Variants in ACOT13 observed in about 807,000 individuals in gnomAD.
ACOT13 encodes the protein acyl-CoA thioesterase 13, also known as acyl-coenzyme A thioesterase 13.
In ACOT13, 10 loss-of-function variants were observed where a neutral mutation model predicts 11.8. That is an observed-to-expected ratio of 0.85 (90% confidence interval 0.53 to 1.44). The LOEUF (loss-of-function observed/expected upper bound fraction) is 1.44, where lower values mean the gene tolerates loss of function less well. ACOT13 is among the 40% of genes most tolerant of loss of function. The pLI, the probability that ACOT13 is intolerant of heterozygous loss-of-function variation, is 0.00. For missense variants in ACOT13, 172 were observed against 174.1 expected (o/e 0.99, Z 0.07); for synonymous variants, 53 against 61.0 (o/e 0.87, Z 0.61).
chr6:24,674,187 G>C (rs535083509), intron 1 of ACOT13, among the ~76,000 whole-genome samples: 1 of 151,998 alleles, frequency 6.6e-6, no homozygotes, highest in Non-Finnish European at 1.5e-5. Flanking sequence ...TCAGCCTCTC[G>C]AGTCGCTGGG....
intron 2 of ACOT13, among the ~76,000 whole-genome samples, chr6:24,699,556 G>T (rs1778861069): frequency 6.6e-6 from 1 of 152,228 alleles, no homozygotes. Flanking sequence ...GTTTACTTAA[G>T]AAACATTCAG....
chr6:24,687,837 G>C (rs1377802536), intron 1 of ACOT13: 22 of 840,870 alleles, frequency 2.6e-5, no homozygotes, highest in Non-Finnish European at 2.8e-5. Flanking sequence ...TCAGCCTCCA[G>C]AGCAGCTGGG....
At chr6:24,669,632 T>C (rs1778325857) in intron 1 of ACOT13, among the ~76,000 whole-genome samples, 2 of 152,176 alleles carry the variant, frequency 1.3e-5, no homozygotes, top group Non-Finnish European at 2.9e-5. Flanking sequence ...ATCTGATCGC[T>C]CATGCTAGGA....
chr6:24,680,828 A>G (rs1364928880), intron 1 of ACOT13, among the ~76,000 whole-genome samples: 1 of 152,190 alleles, frequency 6.6e-6, no homozygotes, highest in Admixed American at 6.5e-5. Flanking sequence ...CAGGATTGAA[A>G]TAGTCTTTTG....
At chr6:24,681,208 A>G (rs1778543343) in intron 1 of ACOT13, among the ~76,000 whole-genome samples, 3 of 152,242 alleles carry the variant, frequency 2.0e-5, no homozygotes, top group Admixed American at 1.3e-4. Flanking sequence ...AGAATAATGT[A>G]ACTGGTGAGG....
chr6:24,671,792 T>C (rs1778370841), intron 1 of ACOT13, among the ~76,000 whole-genome samples: 1 of 152,180 alleles, frequency 6.6e-6, no homozygotes. Context: ...GACAAGGAAA[T>C]TTGATACCTC....
intron 1 of ACOT13, among the ~76,000 whole-genome samples, chr6:24,677,326 G>C (rs1778471003): frequency 6.6e-6 from 1 of 152,246 alleles, no homozygotes; most frequent in Admixed American, 6.5e-5. Context: ...AATAGAGCCT[G>C]ATATTTAAGT....
Position 24,685,662 on chromosome 6 carries a change from T to A in ACOT13, c.82-12221T>A, listed in dbSNP as rs1309177417. On this transcript the variant is annotated intron_variant, in intron 1 of 2. Coordinates refer to ENST00000230048, the MANE Select transcript of ACOT13 (RefSeq NM_018473.4). ...CGCCCGGCCCTTTTACTGTACTTTTTAAGGTAATATTAACTACACAAGCTG... is the reference window on the plus strand; with the variant it reads ...CGCCCGGCCCTTTTACTGTACTTTTAAAGGTAATATTAACTACACAAGCTG... Among the ~76,000 whole-genome samples the A allele has an allele frequency of 3.3e-5, 5 of 152,116 alleles. 1 individual carries two copies. The highest frequency in any genetic ancestry group is 7.4e-5 in the Non-Finnish European group (5 of 68,016).
chr6:24,697,613 T>A (rs1778815821), intron 1 of ACOT13, among the ~76,000 whole-genome samples: 1 of 152,204 alleles, frequency 6.6e-6, no homozygotes, highest in Non-Finnish European at 1.5e-5. Context: ...ATGCCAGGCG[T>A]CATACATATG....
Position 24,667,448 on chromosome 6 carries a change from T to G in ACOT13, c.81+104T>G, listed in dbSNP as rs1778278585. ...TGAATAATTATCTCTTGTTAGGTTG[T>G]GTTCTAGTACGCCTGTAAATTCACC... On this transcript the variant is annotated intron_variant, in intron 1 of 2. Coordinates refer to ENST00000230048, the MANE Select transcript of ACOT13 (RefSeq NM_018473.4). 8.7e-6 allele frequency: 9 copies of G among 1,034,388 alleles called. No individual in the cohort carries two copies. In the East Asian group the frequency reaches 2.2e-4, roughly 26 times the overall value. 64.1% of individuals were successfully genotyped at this position (1,034,388 alleles called of 1,614,324 possible).
At chr6:24,700,982 T>C (rs1015534781) in intron 2 of ACOT13, 4 of 152,244 alleles carry the variant, frequency 2.6e-5, no homozygotes, top group African/African-American at 9.7e-5. Context: ...GACTAGGATG[T>C]ACATCTCTTA....
At chr6:24,695,452 C>T (rs1428649298) in intron 1 of ACOT13, among the ~76,000 whole-genome samples, 1 of 152,182 alleles carries the variant, frequency 6.6e-6, no homozygotes, top group Non-Finnish European at 1.5e-5. Context: ...ACTCAGATGT[C>T]GTTCTCCAGG....
intron 1 of ACOT13, among the ~76,000 whole-genome samples, chr6:24,686,922 C>T (rs1778640972): frequency 6.6e-6 from 1 of 152,134 alleles, no homozygotes; most frequent in Non-Finnish European, 1.5e-5. Flanking sequence ...GGCTGCTACA[C>T]TCTTTTAAAC....
intron 1 of ACOT13, among the ~76,000 whole-genome samples, chr6:24,682,938 T>G (rs1433543239): frequency 6.6e-6 from 1 of 152,242 alleles, no homozygotes; most frequent in Admixed American, 6.5e-5. Flanking sequence ...TGGCTATTTC[T>G]TTGCCTCCTG....
intron 2 of ACOT13, among the ~76,000 whole-genome samples, chr6:24,699,675 A>G (rs1274383680): frequency 6.6e-6 from 1 of 152,246 alleles, no homozygotes; most frequent in Non-Finnish European, 1.5e-5. Flanking sequence ...GGCTCTGCTT[A>G]TGTTACTGGT....
chr6:24,692,901 A>G (rs893506537), intron 1 of ACOT13, among the ~76,000 whole-genome samples: 3 of 152,216 alleles, frequency 2.0e-5, no homozygotes, highest in Non-Finnish European at 2.9e-5. Flanking sequence ...ATACATTATA[A>G]AGCAGAAATG....
At chr6:24,667,485 G>C in intron 1 of ACOT13, 141 bp downstream of exon 1, 6 of 741,516 alleles carry the variant, frequency 8.1e-6, no homozygotes, top group Non-Finnish European at 1.4e-5. Flanking sequence ...TAGTAATAAT[G>C]ATTATTACTT....
At chr6:24,687,479 C>A in intron 1 of ACOT13, 1 of 1,360,950 alleles carries the variant, frequency 7.3e-7, no homozygotes. Context: ...ACCATGTGGA[C>A]TCCAACACAC....
chr6:24,686,157 GT>G (rs148691887), intron 1 of ACOT13, among the ~76,000 whole-genome samples: 7,151 of 152,208 alleles, frequency 0.047, 273 homozygotes, highest in African/African-American at 0.1. Context: ...ACTAACCATA[GT>G]TCTTGGCCTC....
Sources: gnomAD v4.1 joint callset for allele counts (sites outside exome capture counted in the v4.1 genomes callset) on GRCh38, gnomAD v4.1.1 for gene constraint, MANE v1.5 for transcripts, NCBI Gene and HGNC (gene_info 2026-07-23, HGNC 2026-07-21) for gene names.